Variants in FSD1L observed in about 807,000 individuals in gnomAD.
The protein encoded by FSD1L is fibronectin type III and SPRY domain containing 1 like.
FSD1L carries 45 observed loss-of-function variants against 71.6 expected under a neutral mutation model. That is an observed-to-expected ratio of 0.63 (90% CI 0.49 to 0.81). The LOEUF (loss-of-function observed/expected upper bound fraction) is 0.81, where lower values mean the gene tolerates loss of function less well. Among genes scored for constraint, FSD1L ranks in the 30% least tolerant of loss-of-function variants. The pLI, the probability that FSD1L is intolerant of heterozygous loss-of-function variation, is 0.00. For synonymous variants in FSD1L, 197 were observed against 207.2 expected (o/e 0.95, Z 0.42); for missense variants, 561 against 618.1 (o/e 0.91, Z 0.98).
At chr9:105,447,928 G>A (rs1829715752), upstream of FSD1L, 1 of 518,248 alleles carries the variant, frequency 1.9e-6, no homozygotes, top group Non-Finnish European at 3.4e-6. Flanking sequence ...ACTAGCGGTA[G>A]ACAGACGGGC....
chr9:105,536,436 G>T (rs1836269286), intron 12 of FSD1L, among the ~76,000 whole-genome samples: 3 of 151,946 alleles, frequency 2.0e-5, no homozygotes, highest in African/African-American at 7.3e-5. Context: ...TTTCTTAAAG[G>T]TTGGTCTTAG....
chr9:105,448,082 G>T lies in FSD1L; in HGVS notation c.-139G>T. ...TGACTACGGCGCGCGCGGTCTGGGC[G>T]CGGACGGGTGGGGCCGGGCGGTGCC... On this transcript the variant is annotated 5_prime_UTR_variant, in exon 1 of 14. Coordinates refer to ENST00000481272, the MANE Select transcript of FSD1L (RefSeq NM_001145313.3). The T allele has an allele frequency of 2.1e-6, 2 of 970,870 alleles. No individual in the cohort carries two copies. The highest frequency in any genetic ancestry group is 3.1e-6 in the Non-Finnish European group (2 of 635,400). The allele number at this position is 970,870 out of a possible 1,614,324, so 60.1% of individuals were successfully genotyped here. A position where few individuals can be genotyped will look rare whatever the true frequency, so the allele number is the denominator to read the frequency against.
At chr9:105,542,722 C>T (rs1332330436) in intron 13 of FSD1L, among the ~76,000 whole-genome samples, 3 of 152,204 alleles carry the variant, frequency 2.0e-5, no homozygotes, top group Non-Finnish European at 2.9e-5. Context: ...CCCCAAAATC[C>T]TGGGATTACA....
chr9:105,496,631 A>C (rs985897299), intron 7 of FSD1L, among the ~76,000 whole-genome samples: 6 of 152,228 alleles, frequency 3.9e-5, no homozygotes, highest in Admixed American at 3.3e-4. Flanking sequence ...TTGTATCAAA[A>C]GATTTCATTT....
At chr9:105,534,616 TTC>T in intron 11 of FSD1L, 23 bp downstream of exon 11, 1 of 1,358,780 alleles carries the variant, frequency 7.4e-7, no homozygotes, top group Non-Finnish European at 1.0e-6. Flanking sequence ...ATAATTGTTT[TTC>T]ATTATCTCAG....
chr9:105,501,016 G>C (rs555520174), intron 7 of FSD1L, among the ~76,000 whole-genome samples: 2 of 152,308 alleles, frequency 1.3e-5, no homozygotes, highest in East Asian at 1.9e-4. Context: ...CTTGAAGCCA[G>C]TGTTGTAAAG....
intron 10 of FSD1L, among the ~76,000 whole-genome samples, chr9:105,533,713 G>A (rs1026288422): frequency 6.7e-5 from 6 of 89,630 alleles, no homozygotes; most frequent in African/African-American, 1.9e-4. Context: ...GAGCCACCGC[G>A]TGCAGCCCCC....
upstream of FSD1L, among the ~76,000 whole-genome samples, chr9:105,447,324 CAAAAAAAAAAAA>C (rs35514046): frequency 3.2e-5 from 2 of 61,556 alleles, no homozygotes; most frequent in African/African-American, 7.0e-5. Context: ...ACTCCATCTC[CAAAAAAAAAAAA>C]AAAAAAAAAA....
intron 5 of FSD1L, among the ~76,000 whole-genome samples, chr9:105,477,910 A>G (rs1345934800): frequency 6.6e-6 from 1 of 152,192 alleles, no homozygotes; most frequent in Non-Finnish European, 1.5e-5. Flanking sequence ...ACTGATTAAT[A>G]GTAATGCTGA....
intron 13 of FSD1L, among the ~76,000 whole-genome samples, chr9:105,541,274 G>T (rs1169578325): frequency 1.4e-5 from 2 of 145,310 alleles, no homozygotes; most frequent in African/African-American, 5.1e-5. Flanking sequence ...GGAAGGGAGG[G>T]TTGTTTCTTT....
chr9:105,521,367 A>G, intron 10 of FSD1L: 1 of 1,614,098 alleles, frequency 6.2e-7, no homozygotes, highest in Non-Finnish European at 8.5e-7. Flanking sequence ...CAATACAAGC[A>G]CTCTCACGGA....
chr9:105,452,695 C>CTTCCTTCT (rs1564073481), intron 1 of FSD1L, among the ~76,000 whole-genome samples: 3 of 147,636 alleles, frequency 2.0e-5, no homozygotes, highest in Non-Finnish European at 4.4e-5. Context: ...TCCTTCCTTC[C>CTTCCTTCT]TTCCTTCCTT....
At chr9:105,481,536 C>T (rs1435118782) in intron 6 of FSD1L, among the ~76,000 whole-genome samples, 1 of 151,586 alleles carries the variant, frequency 6.6e-6, no homozygotes, top group African/African-American at 2.4e-5. Context: ...AGTGATCTGC[C>T]CACTTCGGCC....
intron 10 of FSD1L, chr9:105,523,545 C>A: frequency 6.2e-7 from 1 of 1,612,752 alleles, no homozygotes; most frequent in Non-Finnish European, 8.5e-7. Context: ...TTGGCAGAAT[C>A]TAGCTAAGAT....
chr9:105,528,736 C>G (rs758211329), intron 10 of FSD1L, among the ~76,000 whole-genome samples: 4 of 152,126 alleles, frequency 2.6e-5, no homozygotes, highest in Non-Finnish European at 4.4e-5. Context: ...GACTTCATGT[C>G]TAAAATACCA....
At chr9:105,533,372 T>A (rs1836023149) in intron 10 of FSD1L, among the ~76,000 whole-genome samples, 1 of 149,094 alleles carries the variant, frequency 6.7e-6, no homozygotes, top group East Asian at 2.0e-4. Context: ...TTGATAATAC[T>A]TGATATTATC....
At chr9:105,462,247 GCT>G (rs892427453) in intron 2 of FSD1L, among the ~76,000 whole-genome samples, 4 of 123,620 alleles carry the variant, frequency 3.2e-5, no homozygotes, top group African/African-American at 1.2e-4. Context: ...ATGGAATCTT[GCT>G]CTGTCACCCA....
intron 7 of FSD1L, among the ~76,000 whole-genome samples, chr9:105,494,678 T>C (rs960966346): frequency 2.0e-5 from 3 of 152,312 alleles, no homozygotes; most frequent in East Asian, 3.9e-4. Context: ...GATGGGTTTT[T>C]GGCGTGGATG....
At chr9:105,452,695 C>CTTCCTTCCTTCT (rs1397336089) in intron 1 of FSD1L, among the ~76,000 whole-genome samples, 153 of 147,746 alleles carry the variant, frequency 1.0e-3, no homozygotes, top group Non-Finnish European at 1.9e-3. Flanking sequence ...TCCTTCCTTC[C>CTTCCTTCCTTCT]TTCCTTCCTT....
Sources: gnomAD v4.1 joint callset for allele counts (sites outside exome capture counted in the v4.1 genomes callset) on GRCh38, gnomAD v4.1.1 for gene constraint, MANE v1.5 for transcripts, NCBI Gene and HGNC (gene_info 2026-07-23, HGNC 2026-07-21) for gene names.